SMYD3: variants seen among roughly 807,000 people sequenced by gnomAD.
SMYD3 encodes the protein histone-lysine N-methyltransferase SMYD3.
A neutral mutation model predicts 57.7 loss-of-function variants in SMYD3; 36 were observed. The observed-to-expected ratio is 0.62, with a 90% CI of 0.48 to 0.82. The LOEUF is 0.82. SMYD3 is among the 40% of genes least tolerant of loss of function. SMYD3 has a pLI of 0.00. For synonymous variants in SMYD3, 211 were observed against 195.0 expected (o/e 1.08, Z -0.68); for missense variants, 515 against 538.8 (o/e 0.96, Z 0.44).
At chr1:246,286,694 G>A (rs537464612) in intron 5 of SMYD3, among the ~76,000 whole-genome samples, 60 of 152,170 alleles carry the variant, frequency 3.9e-4, no homozygotes, top group African/African-American at 1.1e-3. Context: ...GCACATACCA[G>A]ACACTCAATA....
intron 5 of SMYD3, among the ~76,000 whole-genome samples, chr1:246,180,756 T>C (rs1279612481): frequency 3.9e-4 from 23 of 59,070 alleles, no homozygotes; most frequent in African/African-American, 1.6e-3. Flanking sequence ...CAAGACTCTG[T>C]CTCAAAAAAA....
At chr1:246,356,826 G>T (rs1293948281) in intron 1 of SMYD3, among the ~76,000 whole-genome samples, 2 of 152,144 alleles carry the variant, frequency 1.3e-5, no homozygotes, top group Admixed American at 1.3e-4. Flanking sequence ...AATAATTGGT[G>T]TTCCCAAGAC....
rs760850049 is a variant in SMYD3 at position 246,214,131 on chromosome 1, G to T, written c.531+113070C>A. Among the ~76,000 whole-genome samples, 46 of 152,264 alleles carry T rather than the reference G, an allele frequency of 3.0e-4. 1 individual carries two copies. Among genetic ancestry groups the T allele is most frequent in the Middle Eastern group, 3.4e-3 (1 of 294 alleles). On this transcript the variant is annotated intron_variant, in intron 5 of 11. Coordinates refer to ENST00000490107, the MANE Select transcript of SMYD3 (RefSeq NM_001167740.2). ...CAGAAATGGTGGTATTGATCTAATG[G>T]AACACTGGAACTTGGTCTTTACAAT...
intron 5 of SMYD3, among the ~76,000 whole-genome samples, chr1:246,083,515 G>GCC (rs1553283956): frequency 6.6e-6 from 1 of 151,240 alleles, no homozygotes; most frequent in African/African-American, 2.4e-5. Flanking sequence ...GTGCCGGCGC[G>GCC]GGTCCCCTGC....
At chr1:246,086,183 C>T (rs1274117700) in intron 5 of SMYD3, among the ~76,000 whole-genome samples, 1 of 152,020 alleles carries the variant, frequency 6.6e-6, no homozygotes, top group Non-Finnish European at 1.5e-5. Flanking sequence ...CCCACCACAG[C>T]ATACCTTTCT....
intron 5 of SMYD3, among the ~76,000 whole-genome samples, chr1:246,055,073 G>A (rs1251667254): frequency 4.6e-5 from 7 of 152,050 alleles, no homozygotes; most frequent in Non-Finnish European, 1.0e-4. Context: ...CTACTCAGTA[G>A]GCTGAGGCAG....
At chr1:246,348,382 C>T (rs894466424) in intron 2 of SMYD3, among the ~76,000 whole-genome samples, 7 of 151,904 alleles carry the variant, frequency 4.6e-5, no homozygotes, top group Non-Finnish European at 8.8e-5. Flanking sequence ...TGCCACTGCA[C>T]TCCAGCCTGG....
intron 10 of SMYD3, among the ~76,000 whole-genome samples, chr1:245,772,618 G>A (rs1052095006): frequency 6.6e-6 from 1 of 152,156 alleles, no homozygotes; most frequent in African/African-American, 2.4e-5. Flanking sequence ...AGCTATGATG[G>A]TGCTACTGTA....
intron 5 of SMYD3, among the ~76,000 whole-genome samples, chr1:246,300,478 G>A (rs1242773025): frequency 6.6e-6 from 1 of 152,092 alleles, no homozygotes; most frequent in Non-Finnish European, 1.5e-5. Flanking sequence ...GAGGAAAGCG[G>A]CCAGCAATGT....
chr1:245,761,170 C>A (rs796295027), intron 11 of SMYD3, among the ~76,000 whole-genome samples: 13 of 152,246 alleles, frequency 8.5e-5, no homozygotes, highest in African/African-American at 3.1e-4. Context: ...ACCATTTAAC[C>A]CCAGGCCTCA....
chr1:246,488,190 T>C (rs1190577500), intron 1 of SMYD3, among the ~76,000 whole-genome samples: 1 of 152,172 alleles, frequency 6.6e-6, no homozygotes, highest in Admixed American at 6.5e-5. Flanking sequence ...GTAATTTCAT[T>C]AAAAAGAAGT....
intron 5 of SMYD3, among the ~76,000 whole-genome samples, chr1:245,968,821 A>T (rs1381026592): frequency 2.0e-5 from 3 of 152,158 alleles, no homozygotes; most frequent in Admixed American, 1.3e-4. Context: ...TGTAAATTTC[A>T]GCCTTCTCAG....
In SMYD3 at chr1:246,506,863, G is replaced by A. The variant is rs548957975; in HGVS notation, c.164+191C>T. On this transcript the variant is annotated intron_variant, in intron 1 of 11. Transcript: ENST00000490107. The stretch of plus-strand genomic sequence containing the variant: ...TCCCAGCCCCGCTGCGGCAACCTAG[G>A]GGGGTGTCCGGGCGGGGCCTGTCAG... Among the ~76,000 whole-genome samples the A allele has an allele frequency of 5.6e-3, 847 of 152,242 alleles. 5 individuals are homozygous for A. The highest frequency in any genetic ancestry group is 0.019 in the African/African-American group (800 of 41,552).
At chr1:245,936,682 C>G (rs1346773893) in intron 5 of SMYD3, among the ~76,000 whole-genome samples, 1 of 152,040 alleles carries the variant, frequency 6.6e-6, no homozygotes, top group Admixed American at 6.6e-5. Flanking sequence ...ATCGATTGAG[C>G]CCAGAAGTTT....
chr1:245,918,312 A>T (rs1362165109), intron 7 of SMYD3, among the ~76,000 whole-genome samples: 1 of 151,896 alleles, frequency 6.6e-6, no homozygotes, highest in Non-Finnish European at 1.5e-5. Context: ...CTGCACCCAG[A>T]TCTCTTGATA....
At chr1:245,982,712 A>G (rs2058623530) in intron 5 of SMYD3, among the ~76,000 whole-genome samples, 1 of 152,258 alleles carries the variant, frequency 6.6e-6, no homozygotes, top group Admixed American at 6.5e-5. Context: ...AACTGTGTTT[A>G]CAATATTAAC....
At chr1:245,930,551 T>G (rs370106900) in intron 5 of SMYD3, 3 of 165,396 alleles carry the variant, frequency 1.8e-5, no homozygotes, top group East Asian at 3.5e-4. Flanking sequence ...GCAGAAGCAG[T>G]AAAAAACACA....
At chr1:246,307,857 T>G (rs1264425888) in intron 5 of SMYD3, among the ~76,000 whole-genome samples, 1 of 152,116 alleles carries the variant, frequency 6.6e-6, no homozygotes, top group African/African-American at 2.4e-5. Flanking sequence ...AACAGGCACG[T>G]CCGTCAAGCA....
At chr1:245,788,326 T>C (rs1254108992) in intron 10 of SMYD3, among the ~76,000 whole-genome samples, 1 of 152,230 alleles carries the variant, frequency 6.6e-6, no homozygotes, top group Non-Finnish European at 1.5e-5. Context: ...CCAGGGCACC[T>C]ATGAAGCATT....
Sources: allele counts gnomAD v4.1 joint callset (sites outside exome capture counted in the v4.1 genomes callset), GRCh38; gene constraint gnomAD v4.1.1; transcripts MANE v1.5; gene names NCBI Gene and HGNC (gene_info 2026-07-23, HGNC 2026-07-21).